The following LRIG2 variants were observed in gnomAD, a reference collection of about 807,000 sequenced individuals.
The protein encoded by LRIG2 is leucine rich repeats and immunoglobulin like domains 2.
Under a neutral mutation model 107.8 loss-of-function variants are expected in LRIG2, and 93 were observed. The observed-to-expected ratio is 0.86, with a 90% CI of 0.73 to 1.03. The LOEUF is 1.03. Among genes scored for constraint, LRIG2 ranks in the 50% least tolerant of loss-of-function variants. The probability of loss-of-function intolerance (pLI) is 0.00; values close to 1 mark genes in which losing one functional copy is unlikely to be tolerated. For missense variants in LRIG2, 1,226 were observed against 1,296.0 expected, an observed-to-expected ratio of 0.95 and a Z score of 0.83; for synonymous variants, 471 against 470.6, an observed-to-expected ratio of 1.00 and a Z score of -0.01.
chr1:113,100,693 G>T (rs1654269349), intron 11 of LRIG2: 1 of 425,378 alleles, frequency 2.4e-6, no homozygotes, highest in Non-Finnish European at 4.4e-6. Context: ...GTGGCACCAA[G>T]ACCTTCTGTT....
intron 1 of LRIG2, among the ~76,000 whole-genome samples, chr1:113,082,389 AGTCTCTT>A (rs1310309288): frequency 6.6e-6 from 1 of 152,218 alleles, no homozygotes; most frequent in Non-Finnish European, 1.5e-5. Flanking sequence ...CTGGTGTATT[AGTCTCTT>A]GCACTGCTAT....
intron 1 of LRIG2, among the ~76,000 whole-genome samples, chr1:113,075,254 C>T (rs1652921223): frequency 6.6e-6 from 1 of 151,010 alleles, no homozygotes; most frequent in African/African-American, 2.4e-5. Flanking sequence ...GGTTGAAGTG[C>T]AATTAAAATA....
At chr1:113,108,819 T>C (rs575047323) in intron 12 of LRIG2, among the ~76,000 whole-genome samples, 113 of 152,188 alleles carry the variant, frequency 7.4e-4, no homozygotes, top group Middle Eastern at 3.4e-3. Context: ...GAGGTTGCAG[T>C]GAGGCAAGAT....
At chr1:113,110,613 T>C (rs1352224152) in intron 13 of LRIG2, 51 bp downstream of exon 13, 1 of 1,341,258 alleles carries the variant, frequency 7.5e-7, no homozygotes, top group Non-Finnish European at 1.0e-6. Flanking sequence ...ATTTTTCATG[T>C]TCAGTTTTGA....
chr1:113,093,445 C>T lies in LRIG2; in HGVS notation c.396C>T (p.Ile132=), dbSNP rs924238912. 2 of 1,613,486 alleles carry T rather than the reference C, an allele frequency of 1.2e-6. No homozygotes were observed. The highest frequency in any genetic ancestry group is 1.7e-6 in the Non-Finnish European group (2 of 1,179,808). The change falls in exon 4 of 18, where the codon ATC becomes ATT. Residue 132 remains isoleucine (I), a synonymous_variant. Coordinates refer to ENST00000361127, the MANE Select transcript of LRIG2 (RefSeq NM_014813.3). ...ITLLSLVHNI[I]PEINAQALQF... ...TGTTTTACAGAGTCCATAATATAAT[C>T]CCAGAAATAAATGCACAGGCACTCC...
At chr1:113,115,107 C>A (rs1328690106) in intron 15 of LRIG2, among the ~76,000 whole-genome samples, 1 of 152,170 alleles carries the variant, frequency 6.6e-6, no homozygotes, top group Non-Finnish European at 1.5e-5. Flanking sequence ...AGCTGTGATA[C>A]ATTACCTGAT....
Position 113,119,237 on chromosome 1 carries a change from C to T in LRIG2, c.2685C>T (p.Gly895=). The T allele has an allele frequency of 6.2e-7, 1 of 1,604,990 alleles. No individual in the cohort carries two copies. The highest frequency in any genetic ancestry group is 8.5e-7 in the Non-Finnish European group (1 of 1,172,702). ...NGYIHKGTDG[G]TGTRVICSDC... is the part of the protein sequence containing the mutation. ...GATTCTTTTTCTTGTTATTAGGTGG[C>T]ACTGGTACCCGGGTGATTTGCTCAG... The change falls in exon 17 of 18, where the codon GGC becomes GGT. Residue 895 remains glycine (G), a synonymous_variant. Coordinates refer to ENST00000361127, the MANE Select transcript of LRIG2 (RefSeq NM_014813.3).
chr1:113,101,462 C>G lies in LRIG2; in HGVS notation c.1313+974C>G, dbSNP rs1357406074. ...ATTTTGCCTTGCCTGGGAAGCTACT[C>G]AAAGGATACTCTGTGGAGCAGAACT... On this transcript the variant is annotated intron_variant, in intron 11 of 17. Transcript: ENST00000361127. Among the ~76,000 whole-genome samples the G allele has an allele frequency of 2.0e-5, 3 of 152,226 alleles. No homozygotes were observed. In the East Asian group the frequency reaches 5.8e-4, roughly 29 times the overall value.
At chr1:113,083,340 G>T (rs1463425350) in intron 1 of LRIG2, among the ~76,000 whole-genome samples, 2 of 113,726 alleles carry the variant, frequency 1.8e-5, no homozygotes, top group Non-Finnish European at 3.5e-5. Flanking sequence ...ACACCTGGCT[G>T]CTCACTTTTT....
In LRIG2 at chr1:113,073,546, G is replaced by C; in HGVS notation, c.140G>C (p.Cys47Ser). Residue 47 changes from cysteine to serine, a missense_variant, in exon 1 of 18, where the codon TGC becomes TCC. Transcript: ENST00000361127. ...AAGAGLCPAPCSCRIPLLDCS... is the reference protein window; with the variant it reads ...AAGAGLCPAPSSCRIPLLDCS... ...GGAGCAGGTCTCTGCCCCGCGCCCT[G>C]CTCCTGCCGCATTCCTCTCCTGGAC... is the stretch of plus-strand genomic sequence containing the variant. The C allele has an allele frequency of 6.2e-7, 1 of 1,614,128 alleles. No homozygotes were observed. The highest frequency in any genetic ancestry group is 1.1e-5 in the South Asian group (1 of 91,086).
chr1:113,110,702 A>G (rs1370170694), intron 13 of LRIG2, 140 bp downstream of exon 13: 3 of 695,800 alleles, frequency 4.3e-6, no homozygotes, highest in African/African-American at 3.6e-5. Context: ...GTGATAACTT[A>G]TCAAGTGGGT....
chr1:113,087,174 A>G (rs1653592163), intron 1 of LRIG2, among the ~76,000 whole-genome samples: 1 of 152,170 alleles, frequency 6.6e-6, no homozygotes, highest in Admixed American at 6.5e-5. Flanking sequence ...GGATATTTGA[A>G]AGAGAGTTCT....
chr1:113,120,380 G>A (rs1655192846), intron 17 of LRIG2, among the ~76,000 whole-genome samples: 2 of 151,960 alleles, frequency 1.3e-5, no homozygotes, highest in Admixed American at 6.6e-5. Context: ...AGCTCGAGAT[G>A]GAGGTTGCAG....
intron 14 of LRIG2, among the ~76,000 whole-genome samples, chr1:113,114,099 T>A (rs753133353): frequency 2.6e-5 from 4 of 152,218 alleles, no homozygotes; most frequent in Non-Finnish European, 4.4e-5. Flanking sequence ...TTACACATTT[T>A]GTAGTAAACA....
At chr1:113,094,263 AT>A in intron 4 of LRIG2, 75 bp from the exon 5 acceptor site, 2 of 1,102,698 alleles carry the variant, frequency 1.8e-6, no homozygotes, top group Middle Eastern at 2.8e-4. Context: ...TTAGACATAG[AT>A]TTTTGGCAGC....
At position 113,116,410 on chromosome 1, in the gene LRIG2, A is replaced by G. The variant is rs141589943; in HGVS notation, c.2654A>G (p.Asn885Ser). 7.5e-6 allele frequency: 12 copies of G among 1,609,588 alleles called. No individual in the cohort carries two copies. Among genetic ancestry groups the G allele is most frequent in the Admixed American group, 1.7e-5 (1 of 59,168 alleles). Reference protein sequence around the residue: ...GSHQQLMPPANGYIHKGTDGG... With the variant: ...GSHQQLMPPASGYIHKGTDGG... Reference sequence around the variant, plus strand: ...CATCAGCAACTTATGCCTCCTGCCAATGGATATATACACAAAGGCACTGAC... The same window carrying G: ...CATCAGCAACTTATGCCTCCTGCCAGTGGATATATACACAAAGGCACTGAC... The change falls in exon 16 of 18, where the codon AAT becomes AGT. Residue 885 changes from asparagine (N) to serine (S), a missense_variant. Coordinates refer to ENST00000361127, the MANE Select transcript of LRIG2 (RefSeq NM_014813.3).
rs368293327 is a variant in LRIG2, at chr1:113,129,898, CT to C, written c.*5807del. On this transcript the variant is annotated 3_prime_UTR_variant, in exon 18 of 18. Transcript: ENST00000361127. ...GCTTTCTGTCACTCCGCAACTTGTACTTTTTTTTTTGAGACAGGGTTTCACC... is the reference window on the plus strand; with the variant it reads ...GCTTTCTGTCACTCCGCAACTTGTACTTTTTTTTTGAGACAGGGTTTCACC... The C allele has an allele frequency of 4.0e-5, 6 of 149,438 alleles. No individual in the cohort carries two copies. The highest frequency in any genetic ancestry group is 7.4e-5 in the Non-Finnish European group (5 of 67,140). 9.3% of individuals were successfully genotyped at this position (149,438 alleles called of 1,614,324 possible).
At chr1:113,099,524 GC>G (rs1006484896) in intron 9 of LRIG2, among the ~76,000 whole-genome samples, 10 of 152,142 alleles carry the variant, frequency 6.6e-5, no homozygotes, top group African/African-American at 2.4e-4. Context: ...ATAGGCATGA[GC>G]CCCCATGCCC....
At chr1:113,087,361 T>C (rs866979162) in intron 1 of LRIG2, among the ~76,000 whole-genome samples, 1 of 152,320 alleles carries the variant, frequency 6.6e-6, no homozygotes, top group South Asian at 2.1e-4. Flanking sequence ...TTTTTTAATT[T>C]TTTGGGGGAT....
Sources: allele counts gnomAD v4.1 joint callset (sites outside exome capture counted in the v4.1 genomes callset), GRCh38; gene constraint gnomAD v4.1.1; transcripts MANE v1.5; gene names NCBI Gene and HGNC (gene_info 2026-07-23, HGNC 2026-07-21).